PTER: variants seen among roughly 807,000 people sequenced by gnomAD.
The protein encoded by PTER is phosphotriesterase related.
A neutral mutation model predicts 29.6 loss-of-function variants in PTER; 38 were observed. The ratio of observed to expected loss-of-function variants is 1.28; its 90% CI spans 0.99 to 1.68. The LOEUF (loss-of-function observed/expected upper bound fraction) is 1.68. Ranked by LOEUF, PTER falls within the 40% of genes most tolerant of loss-of-function variation. PTER has a pLI of 0.00. For missense variants in PTER, 482 were observed against 427.8 expected (o/e 1.13, Z -1.12); for synonymous variants, 172 against 154.5 (o/e 1.11, Z -0.84).
intron 1 of PTER, among the ~76,000 whole-genome samples, chr10:16,456,121 A>T (rs1316736246): frequency 6.6e-6 from 1 of 152,218 alleles, no homozygotes; most frequent in Admixed American, 6.5e-5. Context: ...TCTTCTGTTA[A>T]TGCTACCAGA....
Position 16,486,614 on chromosome 10 carries a change from A to G in PTER, c.695A>G (p.Asp232Gly). ...TCCAAAACAGTCATGTCACACCTGG[A>G]TAGGTAAGTAGGCTGTCTTACAAAT... ...DISKTVMSHL[D>G]RTILDKKELL... The change falls in exon 3 of 5, where the codon GAT becomes GGT. Residue 232 changes from aspartate to glycine, a missense_variant. Coordinates refer to ENST00000535784, the MANE Select transcript of PTER (RefSeq NM_001261836.2). 1 of 1,609,554 alleles carries G rather than the reference A, an allele frequency of 6.2e-7. No individual in the cohort carries two copies. Among genetic ancestry groups the G allele is most frequent in the Non-Finnish European group, 8.5e-7 (1 of 1,177,198 alleles).
chr10:16,505,764 G>A (rs985909922), intron 4 of PTER, among the ~76,000 whole-genome samples: 1 of 152,182 alleles, frequency 6.6e-6, no homozygotes, highest in Admixed American at 6.5e-5. Context: ...TGGTCACATG[G>A]TGATAAGAAG....
At position 16,496,053 on chromosome 10, in the gene PTER, G is replaced by T. The variant is rs181266184; in HGVS notation, c.699-8967G>T. Among the ~76,000 whole-genome samples the T allele has an allele frequency of 5.9e-5, 9 of 152,224 alleles. No homozygotes were observed. The South Asian group carries it at 1.9e-3, about 32-fold the overall frequency. ...TCCTTCACTCTTGCTGCTGTGCTCC[G>T]TAATCTGGCTAATAACAGCGCTATT... is the stretch of plus-strand genomic sequence containing the variant. On this transcript the variant is annotated intron_variant, in intron 3 of 4. Transcript: ENST00000535784.
At chr10:16,454,977 C>T (rs939637232) in intron 1 of PTER, among the ~76,000 whole-genome samples, 2 of 152,218 alleles carry the variant, frequency 1.3e-5, no homozygotes, top group Middle Eastern at 3.4e-3. Context: ...GCCTGTGATC[C>T]CAGCACTTTG....
chr10:16,511,390 G>T lies in PTER; in HGVS notation c.*134G>T, dbSNP rs529648663. 8.5e-6 allele frequency: 7 copies of T among 822,068 alleles called. No homozygotes were observed. In the East Asian group the frequency reaches 1.8e-4, roughly 22 times the overall value. 50.9% of individuals were successfully genotyped at this position (822,068 alleles called of 1,614,324 possible). A position where few individuals can be genotyped will look rare whatever the true frequency, so the allele number is the denominator to read the frequency against. On this transcript the variant is annotated 3_prime_UTR_variant, in exon 5 of 5. Coordinates refer to ENST00000535784, the MANE Select transcript of PTER (RefSeq NM_001261836.2). ...CATTTCCTTCTGATGAGAACTAGGA[G>T]GGTTTGCCTTCTCTGAGACCAGCTA...
chr10:16,497,858 T>C (rs1836172293), intron 3 of PTER, among the ~76,000 whole-genome samples: 1 of 152,162 alleles, frequency 6.6e-6, no homozygotes. Flanking sequence ...AGTACCAGCC[T>C]TAAGAAACTG....
chr10:16,440,133 T>C (rs1263509633), intron 1 of PTER, among the ~76,000 whole-genome samples: 2 of 150,670 alleles, frequency 1.3e-5, no homozygotes, highest in East Asian at 2.0e-4. Context: ...TGGCCCTATC[T>C]TGACTCACTG....
intron 3 of PTER, among the ~76,000 whole-genome samples, chr10:16,500,046 C>T (rs1836274115): frequency 6.6e-6 from 1 of 150,782 alleles, no homozygotes; most frequent in African/African-American, 2.4e-5. Flanking sequence ...GGCCTTGCCC[C>T]TTTTTTTTTA....
rs974108202 is a variant in PTER, at chr10:16,463,422, G to A, written c.-48-20915G>A. Among the ~76,000 whole-genome samples, 3 of 151,712 alleles carry A rather than the reference G, an allele frequency of 2.0e-5. No homozygotes were observed. In the East Asian group the frequency reaches 5.8e-4, roughly 29 times the overall value. On this transcript the variant is annotated intron_variant, in intron 1 of 4. Coordinates refer to ENST00000535784, the MANE Select transcript of PTER (RefSeq NM_001261836.2). Reference sequence around the variant, plus strand: ...TGATGCATATTTTCTTTTTTTTGTTGTTTTTTGAGACCAAGTCTCGCTCTT... The same window carrying A: ...TGATGCATATTTTCTTTTTTTTGTTATTTTTTGAGACCAAGTCTCGCTCTT...
In PTER at chr10:16,502,846, G is replaced by T. The variant is rs545207817; in HGVS notation, c.699-2174G>T. Among the ~76,000 whole-genome samples, 12 of 151,634 alleles carry T rather than the reference G, an allele frequency of 7.9e-5. No individual in the cohort carries two copies. The South Asian group carries it at 2.5e-3, about 32-fold the overall frequency. ...TTTACTAAAAATACAACAATTAGCCGGGAGCAGTGGCACACACCTGTAGTC... is the reference window on the plus strand; with the variant it reads ...TTTACTAAAAATACAACAATTAGCCTGGAGCAGTGGCACACACCTGTAGTC... On this transcript the variant is annotated intron_variant, in intron 3 of 4. Coordinates refer to ENST00000535784, the MANE Select transcript of PTER (RefSeq NM_001261836.2).
rs147446984 is a variant in PTER, at chr10:16,484,711, G to A, written c.327G>A (p.Thr109=). The change falls in exon 2 of 5, where the codon ACG becomes ACA. Residue 109 remains threonine (T), a synonymous_variant. Transcript: ENST00000535784. ...TTTGISRDTQ[T]LKRLAEETGV... is the part of the protein sequence containing the mutation. Reference sequence around the variant, plus strand: ...CTGGGATTAGCCGAGACACACAGACGTTGAAGAGGCTTGCAGAAGAGACTG... The same window carrying A: ...CTGGGATTAGCCGAGACACACAGACATTGAAGAGGCTTGCAGAAGAGACTG... The A allele has an allele frequency of 5.8e-5, 93 of 1,614,154 alleles. 3 individuals carry two copies. Among genetic ancestry groups the A allele is most frequent in the African/African-American group, 1.6e-4 (12 of 75,042 alleles).
At chr10:16,478,890 G>A (rs1198953262) in intron 1 of PTER, among the ~76,000 whole-genome samples, 2 of 152,106 alleles carry the variant, frequency 1.3e-5, no homozygotes, top group African/African-American at 2.4e-5. Flanking sequence ...AGTTTAAGAT[G>A]AACACCTCAC....
intron 3 of PTER, among the ~76,000 whole-genome samples, chr10:16,496,582 A>C (rs997666721): frequency 6.6e-6 from 1 of 152,220 alleles, no homozygotes; most frequent in East Asian, 1.9e-4. Context: ...TTCCAGAAAC[A>C]GCCAACCACT....
chr10:16,496,622 A>G (rs1474386812), intron 3 of PTER, among the ~76,000 whole-genome samples: 1 of 152,212 alleles, frequency 6.6e-6, no homozygotes, highest in Non-Finnish European at 1.5e-5. Flanking sequence ...TTGCCAACCT[A>G]GTTCCTAGCA....
At chr10:16,509,161 A>G (rs932010380) in intron 4 of PTER, among the ~76,000 whole-genome samples, 1 of 152,220 alleles carries the variant, frequency 6.6e-6, no homozygotes, top group African/African-American at 2.4e-5. Flanking sequence ...TTCTGGCAGC[A>G]TCTCTGTAAC....
rs374601692 is a variant in PTER at position 16,511,269 on chromosome 10, T to C, written c.*13T>C. On this transcript the variant is annotated 3_prime_UTR_variant, in exon 5 of 5. Transcript: ENST00000535784. ...AACTTTCAAATAGGATGGTTGCTTA[T>C]GAATTCACACCTTGAGTATAAAACT... is the stretch of plus-strand genomic sequence containing the variant. The C allele has an allele frequency of 5.3e-5, 85 of 1,601,076 alleles. No individual in the cohort carries two copies. The highest frequency in any genetic ancestry group is 7.1e-5 in the Non-Finnish European group (83 of 1,168,608).
At chr10:16,470,391 C>T (rs560359456) in intron 1 of PTER, among the ~76,000 whole-genome samples, 14 of 152,364 alleles carry the variant, frequency 9.2e-5, no homozygotes, top group South Asian at 6.2e-4. Flanking sequence ...TAACATCTTA[C>T]ACTTATTAAC....
intron 1 of PTER, among the ~76,000 whole-genome samples, chr10:16,457,196 T>C (rs939454117): frequency 6.6e-6 from 1 of 151,412 alleles, no homozygotes; most frequent in African/African-American, 2.4e-5. Context: ...CCTTTAGTTG[T>C]TTTGTTTGTT....
intron 1 of PTER, among the ~76,000 whole-genome samples, chr10:16,476,967 G>A (rs899692951): frequency 7.0e-6 from 1 of 142,642 alleles, no homozygotes; most frequent in Non-Finnish European, 1.5e-5. Flanking sequence ...GTGTAGTGGT[G>A]TGATTTGGGC....
Sources: gnomAD v4.1 joint callset for allele counts (sites outside exome capture counted in the v4.1 genomes callset) on GRCh38, gnomAD v4.1.1 for gene constraint, MANE v1.5 for transcripts, NCBI Gene and HGNC (gene_info 2026-07-23, HGNC 2026-07-21) for gene names.